Variants in INTS14 observed in about 807,000 individuals in gnomAD.
INTS14 encodes the protein UPF0464 protein C15orf44.
Under a neutral mutation model 56.9 loss-of-function variants are expected in INTS14, and 27 were observed. The ratio of observed to expected loss-of-function variants is 0.47; its 90% CI spans 0.35 to 0.65. INTS14 has a LOEUF of 0.65. Ranked by LOEUF, INTS14 falls within the 30% of genes least tolerant of loss-of-function variation. The pLI, the probability that INTS14 is intolerant of heterozygous loss-of-function variation, is 0.00. For synonymous variants in INTS14, 207 were observed against 236.2 expected (o/e 0.88, Z 1.13); for missense variants, 517 against 632.2 (o/e 0.82, Z 1.95).
At chr15:65,600,151 G>T (rs776329193) in intron 3 of INTS14, among the ~76,000 whole-genome samples, 2 of 149,006 alleles carry the variant, frequency 1.3e-5, no homozygotes, top group African/African-American at 2.5e-5. Context: ...AAAAAACTTA[G>T]AAAAAAAAAA....
chr15:65,580,053 C>T (rs1566914455), intron 11 of INTS14, among the ~76,000 whole-genome samples: 1 of 152,032 alleles, frequency 6.6e-6, no homozygotes, highest in Non-Finnish European at 1.5e-5. Context: ...CCTCTGATGC[C>T]ACTGTGGTGG....
In INTS14 at chr15:65,607,437, G is replaced by T; in HGVS notation, c.-57C>A. 1 of 1,595,298 alleles carries T rather than the reference G, an allele frequency of 6.3e-7. No homozygotes were observed. Among genetic ancestry groups the T allele is most frequent in the Admixed American group, 1.7e-5 (1 of 58,246 alleles). ...ATGCAAACAGACAGCTATAAACGAA[G>T]AAATGCTGCAGAAAATAAATACGTT... is the stretch of plus-strand genomic sequence containing the variant. On this transcript the variant is annotated 5_prime_UTR_variant, in exon 2 of 12. Coordinates refer to ENST00000313182, the MANE Select transcript of INTS14 (RefSeq NM_001394796.1).
intron 9 of INTS14, among the ~76,000 whole-genome samples, chr15:65,587,530 A>C (rs1335194259): frequency 6.6e-6 from 1 of 152,234 alleles, no homozygotes; most frequent in Non-Finnish European, 1.5e-5. Context: ...ACATCATGTA[A>C]CAAGGACTGA....
intron 2 of INTS14, 43 bp from the exon 3 acceptor site, chr15:65,605,279 T>A: frequency 7.0e-7 from 1 of 1,432,494 alleles, no homozygotes; most frequent in African/African-American, 1.4e-5. Context: ...TCTTTAGTTT[T>A]AATTAGGTAT....
intron 2 of INTS14, among the ~76,000 whole-genome samples, chr15:65,606,945 G>T (rs894029609): frequency 1.3e-5 from 2 of 152,150 alleles, no homozygotes. Flanking sequence ...AGGAAAATAA[G>T]GGAACAACTC....
intron 10 of INTS14, among the ~76,000 whole-genome samples, chr15:65,583,630 C>T (rs973819322): frequency 1.3e-5 from 2 of 151,878 alleles, no homozygotes; most frequent in Admixed American, 1.3e-4. Flanking sequence ...TGTGAATGTA[C>T]TAAATGGGAC....
chr15:65,585,078 A>T (rs2072768128), intron 9 of INTS14, among the ~76,000 whole-genome samples, 190 bp from the exon 10 acceptor site: 1 of 152,200 alleles, frequency 6.6e-6, no homozygotes, highest in Non-Finnish European at 1.5e-5. Flanking sequence ...TAGGAGGCCC[A>T]TTTAAGTGAA....
At chr15:65,582,864 A>G (rs1292170271) in intron 10 of INTS14, among the ~76,000 whole-genome samples, 1 of 152,212 alleles carries the variant, frequency 6.6e-6, no homozygotes, top group South Asian at 2.1e-4. Context: ...GACAAACCCA[A>G]TTAAAAAATG....
rs547786511 is a variant in INTS14 at position 65,605,957 on chromosome 15, T to TA, written c.223-722dup. ...TTTTAAAAAAAGCTTTTAAGTCACT[T>TA]AAAAAATCTGAGATAAGGCCGGGCG... On this transcript the variant is annotated intron_variant, in intron 2 of 11. Coordinates refer to ENST00000313182, the MANE Select transcript of INTS14 (RefSeq NM_001394796.1). Among the ~76,000 whole-genome samples the TA allele has an allele frequency of 3.3e-5, 5 of 152,290 alleles. No individual in the cohort carries two copies. The South Asian group carries it at 1.0e-3, about 32-fold the overall frequency.
intron 7 of INTS14, 98 bp downstream of exon 7, chr15:65,595,635 C>T (rs1275677655): frequency 2.2e-6 from 2 of 893,174 alleles, no homozygotes. Context: ...TATTCCTTTC[C>T]CCTAAATTCT....
intron 9 of INTS14, among the ~76,000 whole-genome samples, chr15:65,588,036 C>T (rs2072891484): frequency 6.6e-6 from 1 of 151,932 alleles, no homozygotes; most frequent in African/African-American, 2.4e-5. Context: ...GCCTGTAATT[C>T]CAGCACTTTG....
intron 1 of INTS14, among the ~76,000 whole-genome samples, chr15:65,608,655 T>C (rs771216892): frequency 2.0e-5 from 3 of 152,178 alleles, no homozygotes; most frequent in East Asian, 1.9e-4. Context: ...GAAATACTTA[T>C]AGAAAGCATT....
Sources: gnomAD v4.1 joint callset for allele counts (sites outside exome capture counted in the v4.1 genomes callset) on GRCh38, gnomAD v4.1.1 for gene constraint, MANE v1.5 for transcripts, NCBI Gene and HGNC (gene_info 2026-07-23, HGNC 2026-07-21) for gene names.